Variants in LIMCH1 observed in about 807,000 individuals in gnomAD.
LIMCH1 encodes LIM and calponin homology domains-containing protein 1.
In LIMCH1, 113 loss-of-function variants were observed where a neutral mutation model predicts 176.5. The observed-to-expected ratio is 0.64, with a 90% CI of 0.55 to 0.75. LIMCH1 has a LOEUF of 0.75. Ranked by LOEUF, LIMCH1 falls within the 30% of genes least tolerant of loss-of-function variation. The pLI, the probability that LIMCH1 is intolerant of heterozygous loss-of-function variation, is 0.00. For synonymous variants in LIMCH1, 619 were observed against 645.9 expected (o/e 0.96, Z 0.63); for missense variants, 1,674 against 1,814.9 (o/e 0.92, Z 1.41).
At chr4:41,632,338 C>A (rs1203771426) in intron 10 of LIMCH1, among the ~76,000 whole-genome samples, 2 of 151,988 alleles carry the variant, frequency 1.3e-5, no homozygotes, top group Non-Finnish European at 2.9e-5. Flanking sequence ...GGCCTATGAC[C>A]TATAGAAGGG....
intron 1 of LIMCH1, among the ~76,000 whole-genome samples, chr4:41,434,565 G>A (rs1423549225): frequency 6.6e-6 from 1 of 152,158 alleles, no homozygotes; most frequent in Non-Finnish European, 1.5e-5. Context: ...CACCCAGGCT[G>A]GAGTGCAGGG....
At chr4:41,609,385 CAGTGCCTGTCA>C (rs1253828362) in intron 4 of LIMCH1, among the ~76,000 whole-genome samples, 1 of 151,988 alleles carries the variant, frequency 6.6e-6, no homozygotes, top group East Asian at 1.9e-4. Context: ...TGAACTAGAA[CAGTGCCTGTCA>C]CACAGAAGAT....
intron 1 of LIMCH1, among the ~76,000 whole-genome samples, chr4:41,488,203 C>T (rs933593731): frequency 1.3e-5 from 2 of 152,048 alleles, no homozygotes; most frequent in African/African-American, 2.4e-5. Flanking sequence ...AATGTAAAGA[C>T]GTATGAAAAA....
chr4:41,419,595 CT>C (rs1474242674), intron 1 of LIMCH1, among the ~76,000 whole-genome samples: 9 of 78,644 alleles, frequency 1.1e-4, no homozygotes, highest in African/African-American at 6.6e-4. Flanking sequence ...TCCTTCCTTC[CT>C]TCCTTCCGTC....
chr4:41,360,873 T>G lies in LIMCH1; in HGVS notation c.33T>G (p.Leu11=). 6.3e-7 allele frequency: 1 copy of G among 1,583,010 alleles called. No individual in the cohort carries two copies. The highest frequency in any genetic ancestry group is 8.6e-7 in the Non-Finnish European group (1 of 1,167,960). Reference sequence around the variant, plus strand: ...GTCCCGCTCTCGGTCTGGAAGCTCTTCAGCCCCTGCAGCCCGAGCCGCCCC... The same window carrying G: ...GTCCCGCTCTCGGTCTGGAAGCTCTGCAGCCCCTGCAGCCCGAGCCGCCCC... The change falls in exon 1 of 27, where the codon CTT becomes CTG. Residue 11 remains leucine, a synonymous_variant. Coordinates refer to the LIMCH1 transcript ENST00000313860. The surrounding 1 kb of genome is among the most constrained non-coding windows in gnomAD (Gnocchi z 4.5).
At chr4:41,460,455 C>CATAT (rs1302547339) in intron 1 of LIMCH1, among the ~76,000 whole-genome samples, 2,308 of 92,162 alleles carry the variant, frequency 0.025, 108 homozygotes, top group South Asian at 0.055. Flanking sequence ...CTATAGTAAT[C>CATAT]ATCTATATAT....
chr4:41,416,530 C>G (rs996976485), intron 1 of LIMCH1, among the ~76,000 whole-genome samples: 9 of 151,656 alleles, frequency 5.9e-5, no homozygotes, highest in African/African-American at 1.9e-4. Context: ...TGGTAGCGGG[C>G]GCCTGTAATC....
At chr4:41,631,757 TTTATTAG>T (rs1266133013) in intron 10 of LIMCH1, among the ~76,000 whole-genome samples, 1 of 152,210 alleles carries the variant, frequency 6.6e-6, no homozygotes, top group Non-Finnish European at 1.5e-5. Context: ...CCAGTACTAT[TTTATTAG>T]TTGAAAATAC....
At chr4:41,503,412 AAAG>A (rs769731106) in intron 2 of LIMCH1, among the ~76,000 whole-genome samples, 1 of 152,188 alleles carries the variant, frequency 6.6e-6, no homozygotes, top group East Asian at 1.9e-4. Context: ...AGCTGTTATC[AAAG>A]AAGAAGGAAT....
intron 1 of LIMCH1, among the ~76,000 whole-genome samples, chr4:41,380,102 G>T (rs1044810131): frequency 1.3e-5 from 2 of 152,092 alleles, no homozygotes; most frequent in African/African-American, 2.4e-5. Flanking sequence ...ACCATGCCCA[G>T]CCAGGTCTAG....
At chr4:41,536,122 T>C (rs1212776029), upstream of LIMCH1, among the ~76,000 whole-genome samples, 2 of 152,232 alleles carry the variant, frequency 1.3e-5, no homozygotes, top group African/African-American at 4.8e-5. Context: ...TCCATAGTTA[T>C]AGCTTACCTA....
chr4:41,524,575 A>G, intron 3 of LIMCH1: 1 of 898,608 alleles, frequency 1.1e-6, no homozygotes, highest in Middle Eastern at 2.2e-4. Context: ...CCTGCAATAT[A>G]TATTCCACTT....
At chr4:41,644,727 G>C in intron 15 of LIMCH1, 101 bp downstream of exon 15, 1 of 1,420,990 alleles carries the variant, frequency 7.0e-7, no homozygotes, top group Non-Finnish European at 9.5e-7. Flanking sequence ...CGGGGAAAGG[G>C]AGCCCCTAGA....
At chr4:41,490,457 TG>T (rs2070584885) in intron 1 of LIMCH1, among the ~76,000 whole-genome samples, 1 of 152,040 alleles carries the variant, frequency 6.6e-6, no homozygotes, top group Non-Finnish European at 1.5e-5. Context: ...CCTGGGTGCT[TG>T]AGGTTAGGGA....
In LIMCH1 at chr4:41,696,312, G is replaced by T. The variant is rs367932740; in HGVS notation, c.4379-848G>T. On this transcript the variant is annotated intron_variant, in intron 31 of 31. Coordinates refer to ENST00000503057, the MANE Select transcript of LIMCH1 (RefSeq NM_001330672.2). ...GGATGACTGTGTCTTTGTACATGGTGTTCTGTTCCATCATTCACTCTTGTG... is the reference window on the plus strand; with the variant it reads ...GGATGACTGTGTCTTTGTACATGGTTTTCTGTTCCATCATTCACTCTTGTG... Among the ~76,000 whole-genome samples the T allele has an allele frequency of 1.4e-4, 21 of 152,294 alleles. No homozygotes were observed. In the East Asian group the frequency reaches 3.9e-3, roughly 28 times the overall value.
At chr4:41,586,005 T>TTTCTCTTCTCTTCTC (rs71198670) in intron 1 of LIMCH1, among the ~76,000 whole-genome samples, 51 of 148,226 alleles carry the variant, frequency 3.4e-4, no homozygotes, top group Non-Finnish European at 6.4e-4. Flanking sequence ...TCTGTCTTCT[T>TTTCTCTTCTCTTCTC]TTCTCTTCTC....
intron 2 of LIMCH1, among the ~76,000 whole-genome samples, chr4:41,513,049 T>G (rs1015575927): frequency 6.6e-6 from 1 of 152,240 alleles, no homozygotes; most frequent in African/African-American, 2.4e-5. Context: ...TGTAAAGTGC[T>G]GCTCATATTT....
intron 1 of LIMCH1, among the ~76,000 whole-genome samples, chr4:41,442,029 T>A (rs1374097069): frequency 1.3e-5 from 2 of 152,156 alleles, no homozygotes; most frequent in African/African-American, 2.4e-5. Context: ...ACATTAATTT[T>A]AAAATAGCCT....
rs2152998231 is a variant in LIMCH1 at position 41,667,554 on chromosome 4, G to T, written c.3397+888G>T. ...GGAAGGGGTTGCCTCTAGAAACGTGGGCATTTAGGGCCTATAAGAAGGTCT... is the reference window on the plus strand; with the variant it reads ...GGAAGGGGTTGCCTCTAGAAACGTGTGCATTTAGGGCCTATAAGAAGGTCT... On this transcript the variant is annotated intron_variant, in intron 21 of 31. Transcript: ENST00000503057. Among the ~76,000 whole-genome samples, 2 of 152,120 alleles carry T rather than the reference G, an allele frequency of 1.3e-5. 1 individual carries two copies. Among genetic ancestry groups the T allele is most frequent in the South Asian group, 4.2e-4 (2 of 4,818 alleles).
Sources: allele counts gnomAD v4.1 joint callset (sites outside exome capture counted in the v4.1 genomes callset), GRCh38; gene constraint gnomAD v4.1.1; non-coding constraint Gnocchi (gnomAD v3.1); transcripts MANE v1.5; gene names NCBI Gene and HGNC (gene_info 2026-07-23, HGNC 2026-07-21).